SPMIP2: variants seen among roughly 807,000 people sequenced by gnomAD.
SPMIP2 encodes sperm microtubule inner protein 2.
At chr4:158,940,271 A>G in the SPMIP2 span, among the ~76,000 whole-genome samples, 2 of 152,186 alleles carry the variant, frequency 1.3e-5, no homozygotes, top group Admixed American at 1.3e-4. Flanking sequence ...AGGGCCCACC[A>G]CAATGACCTC....
the SPMIP2 span, among the ~76,000 whole-genome samples, chr4:158,927,444 C>T: frequency 3.9e-5 from 6 of 152,142 alleles, no homozygotes; most frequent in African/African-American, 1.4e-4. Context: ...CAATCTCTTA[C>T]TTTTAAAAAT....
At chr4:158,941,695 G>C in the SPMIP2 span, among the ~76,000 whole-genome samples, 1 of 152,044 alleles carries the variant, frequency 6.6e-6, no homozygotes, top group Non-Finnish European at 1.5e-5. Context: ...AAATTATTGT[G>C]CTTTAAATCT....
At chr4:158,942,498 G>A in the SPMIP2 span, among the ~76,000 whole-genome samples, 15 of 152,108 alleles carry the variant, frequency 9.9e-5, no homozygotes, top group Non-Finnish European at 2.1e-4. Flanking sequence ...GCTGGACACT[G>A]TGGCTCACAC....
At chr4:158,940,555 C>CCTT in the SPMIP2 span, among the ~76,000 whole-genome samples, 1 of 76,706 alleles carries the variant, frequency 1.3e-5, no homozygotes, top group Non-Finnish European at 2.7e-5. Flanking sequence ...TTCTGTTGTT[C>CCTT]CTTCTTTTTT....
the SPMIP2 span, among the ~76,000 whole-genome samples, chr4:158,913,817 C>G: frequency 6.6e-6 from 1 of 150,388 alleles, no homozygotes; most frequent in East Asian, 1.9e-4. Context: ...GCACTCCAGC[C>G]TGGGCAACAT....
the SPMIP2 span, among the ~76,000 whole-genome samples, chr4:158,961,843 G>A: frequency 6.6e-6 from 1 of 151,690 alleles, no homozygotes; most frequent in Admixed American, 6.6e-5. Context: ...GGACATCTAT[G>A]TTTACTGTAG....
At chr4:158,968,367 C>T in the SPMIP2 span, among the ~76,000 whole-genome samples, 50,065 of 151,966 alleles carry the variant, frequency 0.33, 8,475 homozygotes, top group South Asian at 0.44. Flanking sequence ...AATTATATTG[C>T]GTGCAAATGA....
chr4:158,970,388 A>T, the SPMIP2 span, among the ~76,000 whole-genome samples: 6 of 151,926 alleles, frequency 3.9e-5, no homozygotes, highest in Non-Finnish European at 7.4e-5. Context: ...AAATTTTTTT[A>T]AATTATCTAG....
chr4:159,007,648 C>A, the SPMIP2 span: 2 of 812,502 alleles, frequency 2.5e-6, no homozygotes, highest in Non-Finnish European at 2.0e-6. Context: ...GTGGCCAAGG[C>A]CTCCAAGGAG....
the SPMIP2 span, chr4:158,907,804 T>C: frequency 1.3e-5 from 2 of 152,192 alleles, no homozygotes; most frequent in Non-Finnish European, 2.9e-5. Context: ...TGTCAAAATA[T>C]GATGAACGAT....
chr4:158,910,624 C>A, the SPMIP2 span, among the ~76,000 whole-genome samples: 2 of 152,148 alleles, frequency 1.3e-5, no homozygotes, highest in Non-Finnish European at 2.9e-5. Flanking sequence ...GTCAGTGGAC[C>A]CTGAATAAAG....
the SPMIP2 span, among the ~76,000 whole-genome samples, chr4:159,059,011 A>T: frequency 3.3e-5 from 5 of 152,246 alleles, no homozygotes; most frequent in Admixed American, 6.5e-5. Flanking sequence ...TAGGTACTTG[A>T]TAAAATAATT....
At chr4:158,935,865 T>G in the SPMIP2 span, among the ~76,000 whole-genome samples, 1 of 152,110 alleles carries the variant, frequency 6.6e-6, no homozygotes, top group African/African-American at 2.4e-5. Context: ...GAGAAAACAC[T>G]CCAGAGGGCT....
At chr4:158,943,487 A>AT in the SPMIP2 span, among the ~76,000 whole-genome samples, 1 of 152,130 alleles carries the variant, frequency 6.6e-6, no homozygotes, top group Non-Finnish European at 1.5e-5. Flanking sequence ...ATAGGACAGA[A>AT]TTTTTTTACA....
At chr4:158,902,136 G>A in the SPMIP2 span, among the ~76,000 whole-genome samples, 1 of 151,956 alleles carries the variant, frequency 6.6e-6, no homozygotes, top group Admixed American at 6.6e-5. Flanking sequence ...ATCTACCTTT[G>A]GTCTTTTACG....
the SPMIP2 span, chr4:159,026,457 T>C: frequency 8.0e-6 from 7 of 875,926 alleles, no homozygotes; most frequent in Non-Finnish European, 1.3e-5. Flanking sequence ...AATTGAAAGA[T>C]GGGAAATTCA....
At chr4:158,940,786 G>A in the SPMIP2 span, among the ~76,000 whole-genome samples, 2 of 152,264 alleles carry the variant, frequency 1.3e-5, no homozygotes, top group African/African-American at 4.8e-5. Flanking sequence ...ATGTGGATAT[G>A]TATGTATGAT....
the SPMIP2 span, among the ~76,000 whole-genome samples, chr4:158,948,858 C>T: frequency 1.4e-4 from 21 of 152,092 alleles, no homozygotes; most frequent in Non-Finnish European, 2.8e-4. Flanking sequence ...ACTGCCATGG[C>T]TTCCCAAAGT....
chr4:158,956,348 A>T, the SPMIP2 span, among the ~76,000 whole-genome samples: 4 of 152,234 alleles, frequency 2.6e-5, no homozygotes, highest in African/African-American at 9.6e-5. Flanking sequence ...GTGGATCACG[A>T]GGCCAGGAGT....
Sources: allele counts gnomAD v4.1 joint callset (sites outside exome capture counted in the v4.1 genomes callset), GRCh38; gene constraint gnomAD v4.1.1; transcripts MANE v1.5; gene names NCBI Gene and HGNC (gene_info 2026-07-23, HGNC 2026-07-21).